SPATA13: variants seen among roughly 807,000 people sequenced by gnomAD.
SPATA13 encodes spermatogenesis-associated protein 13.
In SPATA13, 50 loss-of-function variants were observed where a neutral mutation model predicts 104.0. The ratio of observed to expected loss-of-function variants is 0.48; its 90% CI spans 0.38 to 0.61. SPATA13 has a LOEUF of 0.61. Among genes scored for constraint, SPATA13 ranks in the 20% least tolerant of loss-of-function variants. The pLI is 0.00. For synonymous variants in SPATA13, 606 were observed against 667.5 expected (o/e 0.91, Z 1.42); for missense variants, 1,524 against 1,690.6 (o/e 0.90, Z 1.73).
At chr13:24,196,125 T>C (rs1437026169) in intron 1 of SPATA13, among the ~76,000 whole-genome samples, 2 of 152,098 alleles carry the variant, frequency 1.3e-5, no homozygotes, top group African/African-American at 2.4e-5. Flanking sequence ...TTTCAAAATA[T>C]CTTAAAGGGC....
At chr13:24,290,588 G>A (rs538921736) in intron 8 of SPATA13, 64 bp from the exon 9 acceptor site, 2 of 1,212,220 alleles carry the variant, frequency 1.6e-6, no homozygotes, top group African/African-American at 1.5e-5. Context: ...CTGGGATGAT[G>A]CCTGTCTTTG....
intron 3 of SPATA13, among the ~76,000 whole-genome samples, chr13:24,119,055 G>T (rs1031636320): frequency 6.6e-6 from 1 of 151,972 alleles, no homozygotes; most frequent in African/African-American, 2.4e-5. Context: ...GCAGGCGCCT[G>T]CCACCGCTCC....
At chr13:24,158,118 C>T (rs974527481), upstream of SPATA13, among the ~76,000 whole-genome samples, 5 of 152,208 alleles carry the variant, frequency 3.3e-5, no homozygotes, top group Non-Finnish European at 7.3e-5. Context: ...TAGACACTCT[C>T]CTGCAGAAAG....
chr13:24,028,844 G>T (rs767245936), intron 3 of SPATA13, among the ~76,000 whole-genome samples: 2 of 151,988 alleles, frequency 1.3e-5, no homozygotes, highest in African/African-American at 2.4e-5. Flanking sequence ...CTATTTTAAA[G>T]ATTTGTGTTT....
rs1035713193 is a variant in SPATA13, at chr13:24,011,865, T to C, written c.-146-5802T>C. Among the ~76,000 whole-genome samples the C allele has an allele frequency of 6.6e-6, 1 of 152,082 alleles. No homozygotes were observed. Among genetic ancestry groups the C allele is most frequent in the Non-Finnish European group, 1.5e-5 (1 of 67,994 alleles). On this transcript the variant is annotated intron_variant, in intron 2 of 14. Coordinates refer to the SPATA13 transcript ENST00000424834. The surrounding 1 kb of genome is among the most constrained non-coding windows in gnomAD (Gnocchi z 4.3). ...CTGCACAGGCAAACTTGGGGGACCA[T>C]GAGGGATGATCCCACAGACCCAGAA...
At chr13:24,025,818 T>C (rs150680021) in intron 3 of SPATA13, among the ~76,000 whole-genome samples, 13 of 33,308 alleles carry the variant, frequency 3.9e-4, no homozygotes, top group East Asian at 5.1e-4. Flanking sequence ...TCTTTCTTTT[T>C]TTTTTTTTTG....
chr13:24,189,830 A>C (rs774755222), intron 1 of SPATA13, among the ~76,000 whole-genome samples: 1 of 67,856 alleles, frequency 1.5e-5, no homozygotes, highest in African/African-American at 4.9e-5. Flanking sequence ...AATATATATA[A>C]AATGATATTT....
chr13:24,259,398 A>G (rs1873950648), intron 4 of SPATA13, among the ~76,000 whole-genome samples: 1 of 152,250 alleles, frequency 6.6e-6, no homozygotes, highest in African/African-American at 2.4e-5. Context: ...TGTTTTCTGC[A>G]CAGGATTGAG....
intron 3 of SPATA13, among the ~76,000 whole-genome samples, chr13:24,119,792 C>G (rs1481934192): frequency 6.6e-6 from 1 of 152,180 alleles, no homozygotes; most frequent in Non-Finnish European, 1.5e-5. Context: ...GAGAGCTTCC[C>G]AAGGCCCAAG....
chr13:24,238,158 A>ACAGACTCTTTCTCTTTCTCC (rs1566167052), intron 2 of SPATA13, among the ~76,000 whole-genome samples: 1 of 89,206 alleles, frequency 1.1e-5, no homozygotes, highest in Non-Finnish European at 2.0e-5. Context: ...TTTTTTTGAG[A>ACAGACTCTTTCTCTTTCTCC]CAGACTCTTG....
chr13:24,192,055 C>T (rs1396081962), intron 1 of SPATA13, among the ~76,000 whole-genome samples: 3 of 152,104 alleles, frequency 2.0e-5, no homozygotes, highest in African/African-American at 7.2e-5. Flanking sequence ...TCACCCAGGC[C>T]ACCACACAGG....
intron 4 of SPATA13, among the ~76,000 whole-genome samples, chr13:24,255,198 G>A (rs1278819870): frequency 6.6e-6 from 1 of 152,152 alleles, no homozygotes; most frequent in Non-Finnish European, 1.5e-5. Context: ...CCTGTCCTGA[G>A]GACACAGTCA....
intron 2 of SPATA13, chr13:23,984,033 G>A (rs971115291): frequency 1.2e-5 from 10 of 853,422 alleles, no homozygotes; most frequent in Non-Finnish European, 1.4e-5. Context: ...AGGGCAGCCA[G>A]TAGAATTTGA....
At chr13:24,019,074 T>C (rs951485952) in intron 3 of SPATA13, among the ~76,000 whole-genome samples, 2 of 133,758 alleles carry the variant, frequency 1.5e-5, no homozygotes, top group Non-Finnish European at 3.2e-5. Context: ...GTTATATGAT[T>C]CTTATTATTA....
Position 24,099,618 on chromosome 13 carries a change from C to T in SPATA13, c.-112+81917C>T, listed in dbSNP as rs561385388. On this transcript the variant is annotated intron_variant, in intron 3 of 14. Transcript: ENST00000424834. ...GTCCCGGGGAGGGCCCACAGCCCCC[C>T]GGGTGGTGTTTCCAGAGACCTACCA... Among the ~76,000 whole-genome samples the T allele has an allele frequency of 4.1e-4, 62 of 152,284 alleles. 2 individuals carry two copies. The highest frequency in any genetic ancestry group is 4.1e-4 in the South Asian group (2 of 4,826).
chr13:24,245,325 T>C (rs1208585692), intron 2 of SPATA13, among the ~76,000 whole-genome samples: 2 of 152,150 alleles, frequency 1.3e-5, no homozygotes, highest in East Asian at 3.8e-4. Flanking sequence ...CCATCAAAGT[T>C]CAAATTTGTT....
chr13:24,134,261 A>G (rs1881482834), intron 3 of SPATA13, among the ~76,000 whole-genome samples: 1 of 152,170 alleles, frequency 6.6e-6, no homozygotes, highest in African/African-American at 2.4e-5. Flanking sequence ...TAGATTTGAT[A>G]TGTTGGTTTC....
intron 3 of SPATA13, among the ~76,000 whole-genome samples, chr13:24,077,283 A>G (rs1328133957): frequency 6.6e-6 from 1 of 151,020 alleles, no homozygotes; most frequent in African/African-American, 2.4e-5. Context: ...AAAAAAAAAA[A>G]AAAGAGCCCA....
chr13:23,995,587 G>A (rs886860127), intron 2 of SPATA13, among the ~76,000 whole-genome samples: 2 of 152,190 alleles, frequency 1.3e-5, no homozygotes, highest in African/African-American at 2.4e-5. Context: ...ATAAAAATGT[G>A]AGGTCATGGA....
Sources: gnomAD v4.1 joint callset for allele counts (sites outside exome capture counted in the v4.1 genomes callset) on GRCh38, gnomAD v4.1.1 for gene constraint, Gnocchi (gnomAD v3.1) non-coding constraint, MANE v1.5 for transcripts, NCBI Gene and HGNC (gene_info 2026-07-23, HGNC 2026-07-21) for gene names.